TFB2M: variants seen among roughly 807,000 people sequenced by gnomAD.
TFB2M encodes transcription factor B2, mitochondrial.
In TFB2M, 44 loss-of-function variants were observed where a neutral mutation model predicts 41.3. The observed-to-expected ratio is 1.07, with a 90% CI of 0.84 to 1.37. The LOEUF (loss-of-function observed/expected upper bound fraction) is 1.37. Ranked by LOEUF, TFB2M falls within the 40% of genes most tolerant of loss-of-function variation. TFB2M has a pLI of 0.00. For missense variants in TFB2M, 496 were observed against 490.2 expected (o/e 1.01, Z -0.11); for synonymous variants, 188 against 176.8 (o/e 1.06, Z -0.50).
rs890268582 is a variant in TFB2M, at chr1:246,566,257, A to T, written c.-119T>A. On this transcript the variant is annotated 5_prime_UTR_variant, in exon 1 of 8. Transcript: ENST00000366514. ...TCCGGGCCAGGTCAAGCGGAAGTAAACACTAGAGCCTGCGCATGCGAACAG... is the reference window on the plus strand; with the variant it reads ...TCCGGGCCAGGTCAAGCGGAAGTAATCACTAGAGCCTGCGCATGCGAACAG... 2 of 1,006,024 alleles carry T rather than the reference A, an allele frequency of 2.0e-6. No homozygotes were observed. The highest frequency in any genetic ancestry group is 5.6e-5 in the Admixed American group (2 of 35,590). The allele number at this position is 1,006,024 out of a possible 1,614,324, so 62.3% of individuals were successfully genotyped here.
intron 2 of TFB2M, among the ~76,000 whole-genome samples, chr1:246,558,636 A>G (rs990341061): frequency 1.3e-5 from 2 of 152,242 alleles, no homozygotes; most frequent in African/African-American, 4.8e-5. Context: ...CACAGTAAAG[A>G]AAAACAATTA....
At chr1:246,561,461 T>C (rs1162898926) in intron 2 of TFB2M, among the ~76,000 whole-genome samples, 1 of 152,160 alleles carries the variant, frequency 6.6e-6, no homozygotes, top group Admixed American at 6.5e-5. Context: ...TAAACTGTTA[T>C]CTTGAAGGTT....
Position 246,540,875 on chromosome 1 carries a change from A to T in TFB2M, c.*156T>A. ...AATAGCAGACACTGTTTCATCCAAT[A>T]AGCCAATGATATCAGCTTAGGAGAA... is the stretch of plus-strand genomic sequence containing the variant. On this transcript the variant is annotated 3_prime_UTR_variant, in exon 8 of 8. Coordinates refer to ENST00000366514, the MANE Select transcript of TFB2M (RefSeq NM_022366.3). 1.8e-6 allele frequency: 1 copy of T among 558,412 alleles called. No homozygotes were observed. The highest frequency in any genetic ancestry group is 3.0e-6 in the Non-Finnish European group (1 of 331,000). The allele number at this position is 558,412 out of a possible 1,614,324, so 34.6% of individuals were successfully genotyped here.
Position 246,557,516 on chromosome 1 carries a change from C to A in TFB2M, c.421G>T (p.Asp141Tyr). ...CAGTGAATCACTCGTAGTTTTCCAT[C>A]CAGATTTTTTCCTAAGGACTAAAGA... ...PHLESLGKNL[D>Y]GKLRVIHCDF... The change falls in exon 3 of 8, where the codon GAT becomes TAT. Residue 141 changes from aspartate to tyrosine, a missense_variant. Physicochemically the swap from Asp to Tyr is radical, Grantham distance 160. Coordinates refer to ENST00000366514, the MANE Select transcript of TFB2M (RefSeq NM_022366.3). The A allele has an allele frequency of 6.2e-7, 1 of 1,606,506 alleles. No individual in the cohort carries two copies.
At chr1:246,552,127 A>C (rs1659201016) in intron 4 of TFB2M, among the ~76,000 whole-genome samples, 1 of 152,100 alleles carries the variant, frequency 6.6e-6, no homozygotes, top group Non-Finnish European at 1.5e-5. Context: ...TAGATACAAA[A>C]AGCTGGGTGC....
At chr1:246,554,575 T>C (rs1659270719) in intron 4 of TFB2M, among the ~76,000 whole-genome samples, 1 of 152,200 alleles carries the variant, frequency 6.6e-6, no homozygotes, top group African/African-American at 2.4e-5. Context: ...CACCCGCAAG[T>C]AGGACCATCT....
chr1:246,545,838 C>G (rs556559333), intron 6 of TFB2M, among the ~76,000 whole-genome samples: 1 of 141,976 alleles, frequency 7.0e-6, no homozygotes, highest in African/African-American at 2.6e-5. Context: ...AAAAAAAGAC[C>G]TAGATTCCCC....
At chr1:246,560,888 C>T (rs1260786232) in intron 2 of TFB2M, among the ~76,000 whole-genome samples, 2 of 152,008 alleles carry the variant, frequency 1.3e-5, no homozygotes, top group Non-Finnish European at 2.9e-5. Context: ...CTGAGGCGGG[C>T]GGATCACGAG....
At position 246,557,521 on chromosome 1, in the gene TFB2M, T is replaced by A. The variant is rs1401281916; in HGVS notation, c.416A>T (p.Asn139Ile). ...AATCACTCGTAGTTTTCCATCCAGA[T>A]TTTTTCCTAAGGACTAAAGAGAGAC... is the stretch of plus-strand genomic sequence containing the variant. ...FIPHLESLGK[N>I]LDGKLRVIHC... The change falls in exon 3 of 8, where the codon AAT (asparagine) becomes ATT (isoleucine). Residue 139 changes from asparagine to isoleucine, a missense_variant. Physicochemically the swap from Asn to Ile is moderately radical, Grantham distance 149. Coordinates refer to ENST00000366514, the MANE Select transcript of TFB2M (RefSeq NM_022366.3). 1.2e-6 allele frequency: 2 copies of A among 1,606,194 alleles called. No individual in the cohort carries two copies. The highest frequency in any genetic ancestry group is 3.4e-5 in the Admixed American group (2 of 58,298).
Position 246,551,212 on chromosome 1 carries a change from C to T in TFB2M, c.795+1G>A, listed in dbSNP as rs750796159. The T allele has an allele frequency of 1.9e-6, 3 of 1,611,878 alleles. No homozygotes were observed. The highest frequency in any genetic ancestry group is 2.2e-5 in the South Asian group (2 of 90,996). On this transcript the variant is annotated splice_donor_variant, in intron 5 of 7. Coordinates refer to ENST00000366514, the MANE Select transcript of TFB2M (RefSeq NM_022366.3). LOFTEE classifies it high-confidence loss of function. ...TTTTTAAACAGAAGGATTTTACTCA[C>T]CATGTGCAGAACCTTAATCTCACAA... is the stretch of plus-strand genomic sequence containing the variant.
chr1:246,545,073 T>C (rs1658975224), intron 6 of TFB2M, among the ~76,000 whole-genome samples: 1 of 151,762 alleles, frequency 6.6e-6, no homozygotes, highest in South Asian at 2.1e-4. Flanking sequence ...CCCAAAGTGC[T>C]GGGATTACAG....
Position 246,541,146 on chromosome 1 carries a change from T to C in TFB2M, c.1076A>G (p.Asp359Gly), listed in dbSNP as rs1658843278. Residue 359 changes from aspartate (D) to glycine (G), a missense_variant, in exon 8 of 8, where the codon GAT (aspartate) becomes GGT (glycine). Coordinates refer to ENST00000366514, the MANE Select transcript of TFB2M (RefSeq NM_022366.3). ...DILMQIGKQE[D>G]EKVVNMHPQD... ...AGGGTGCATGTTAACTACTTTCTCA[T>C]CCTCCTGTTTTCCTATTTGCATCAA... 6.2e-7 allele frequency: 1 copy of C among 1,614,040 alleles called. No homozygotes were observed. Among genetic ancestry groups the C allele is most frequent in the South Asian group, 1.1e-5 (1 of 91,076 alleles).
chr1:246,565,956 T>C lies in TFB2M; in HGVS notation c.183A>G (p.Pro61=), dbSNP rs755115540. ...CTAAGCTGGCCTTAGACGCCTTCCT[T>C]GGCGGATTCCTGAAATCCGGTTCGG... ...LWPEPDFRNP[P]RKASKASLDF... is the part of the protein sequence containing the mutation. The change falls in exon 1 of 8, where the codon CCA becomes CCG. Residue 61 remains proline, a synonymous_variant. Coordinates refer to ENST00000366514, the MANE Select transcript of TFB2M (RefSeq NM_022366.3). 2 of 1,614,136 alleles carry C rather than the reference T, an allele frequency of 1.2e-6. No homozygotes were observed. The highest frequency in any genetic ancestry group is 1.7e-6 in the Non-Finnish European group (2 of 1,180,020).
At chr1:246,564,612 T>G (rs1659549796) in intron 1 of TFB2M, among the ~76,000 whole-genome samples, 178 bp from the exon 2 acceptor site, 1 of 152,210 alleles carries the variant, frequency 6.6e-6, no homozygotes, top group African/African-American at 2.4e-5. Flanking sequence ...ATATACTTAT[T>G]TGACTCCAGC....
intron 4 of TFB2M, among the ~76,000 whole-genome samples, chr1:246,551,832 T>C (rs1659192874): frequency 6.6e-6 from 1 of 152,226 alleles, no homozygotes. Context: ...AATATAACCC[T>C]AGCAGCAGGA....
intron 6 of TFB2M, among the ~76,000 whole-genome samples, chr1:246,546,340 G>A (rs926900610): frequency 1.0e-4 from 6 of 59,370 alleles, no homozygotes; most frequent in South Asian, 4.4e-4. Context: ...TAGGCTGGGC[G>A]TGGCGGCTCA....
In TFB2M at chr1:246,565,953, C is replaced by A; in HGVS notation, c.186G>T (p.Arg62Ser). ...AGTCTAAGCTGGCCTTAGACGCCTT[C>A]CTTGGCGGATTCCTGAAATCCGGTT... ...WPEPDFRNPP[R>S]KASKASLDFK... Residue 62 changes from arginine (R) to serine (S), a missense_variant, in exon 1 of 8, where the codon AGG becomes AGT. Physicochemically the swap from Arg to Ser is moderately radical, Grantham distance 110. Coordinates refer to ENST00000366514, the MANE Select transcript of TFB2M (RefSeq NM_022366.3). 1.2e-6 allele frequency: 2 copies of A among 1,614,230 alleles called. No homozygotes were observed.
At chr1:246,562,997 C>T (rs771495956) in intron 2 of TFB2M, among the ~76,000 whole-genome samples, 36 of 152,098 alleles carry the variant, frequency 2.4e-4, no homozygotes, top group Non-Finnish European at 4.3e-4. Flanking sequence ...CAGAATGTCT[C>T]CTTAGCCTTG....
intron 2 of TFB2M, among the ~76,000 whole-genome samples, chr1:246,560,927 C>T (rs1420805252): frequency 6.6e-6 from 1 of 152,130 alleles, no homozygotes; most frequent in African/African-American, 2.4e-5. Flanking sequence ...GTCTGGCCAA[C>T]ATGGTAAAAC....
Sources: allele counts gnomAD v4.1 joint callset (sites outside exome capture counted in the v4.1 genomes callset), GRCh38; gene constraint gnomAD v4.1.1; transcripts MANE v1.5; gene names NCBI Gene and HGNC (gene_info 2026-07-23, HGNC 2026-07-21).